TOMM40: variants seen among roughly 807,000 people sequenced by gnomAD.
The protein encoded by TOMM40 is translocase of outer mitochondrial membrane 40.
TOMM40 carries 9 observed loss-of-function variants against 38.4 expected under a neutral mutation model. The ratio of observed to expected loss-of-function variants is 0.23; its 90% confidence interval spans 0.14 to 0.41. The LOEUF (loss-of-function observed/expected upper bound fraction) is 0.41, where lower values mean the gene tolerates loss of function less well. TOMM40 is among the 10% of genes least tolerant of loss of function. TOMM40 has a pLI of 1.00. For synonymous variants in TOMM40, 184 were observed against 210.0 expected (o/e 0.88, Z 1.07); for missense variants, 299 against 486.5 (o/e 0.61, Z 3.63).
At chr19:44,896,112 C>T (rs995882376) in intron 5 of TOMM40, among the ~76,000 whole-genome samples, 11 of 152,234 alleles carry the variant, frequency 7.2e-5, no homozygotes, top group Admixed American at 5.9e-4. Context: ...CCCTGTGCCG[C>T]CTCGCTCGCC....
intron 5 of TOMM40, 128 bp downstream of exon 5, chr19:44,894,194 A>C: frequency 1.6e-6 from 1 of 623,590 alleles, no homozygotes; most frequent in Non-Finnish European, 2.7e-6. Flanking sequence ...ATTTTGAAAC[A>C]TCAGGCAACA....
At position 44,903,399 on chromosome 19, in the gene TOMM40, G is replaced by A; in HGVS notation, c.*230G>A. 1 of 469,862 alleles carries A rather than the reference G, an allele frequency of 2.1e-6. No individual in the cohort carries two copies. Among genetic ancestry groups the A allele is most frequent in the Non-Finnish European group, 3.7e-6 (1 of 267,522 alleles). 29.1% of individuals were successfully genotyped at this position (469,862 alleles called of 1,614,324 possible). A position where few individuals can be genotyped will look rare whatever the true frequency, so the allele number is the denominator to read the frequency against. On this transcript the variant is annotated 3_prime_UTR_variant, in exon 9 of 9. Transcript: ENST00000426677. Reference sequence around the variant, plus strand: ...GGGCAGCATGCCCAGTGGGCCTGGGGTCCCGGGAGGGATTCCGGAATTGAG... The same window carrying A: ...GGGCAGCATGCCCAGTGGGCCTGGGATCCCGGGAGGGATTCCGGAATTGAG...
intron 4 of TOMM40, 35 bp downstream of exon 4, chr19:44,893,916 C>T (rs752669160): frequency 3.7e-6 from 6 of 1,606,952 alleles, no homozygotes; most frequent in Non-Finnish European, 5.1e-6. Context: ...CTCCCCTCGG[C>T]CACCGTGAGC....
chr19:44,893,014 A>G (rs1325891013), intron 3 of TOMM40, 85 bp downstream of exon 3: 1 of 1,140,580 alleles, frequency 8.8e-7, no homozygotes, highest in African/African-American at 1.5e-5. Flanking sequence ...CCTCATCAGG[A>G]AAAGGTCACA....
chr19:44,895,655 A>G (rs1006435347), intron 5 of TOMM40, among the ~76,000 whole-genome samples: 2 of 151,996 alleles, frequency 1.3e-5, no homozygotes, highest in African/African-American at 4.8e-5. Context: ...CTCCTGCCTC[A>G]GGCTCCCTAG....
At chr19:44,895,295 G>A (rs1251676264) in intron 5 of TOMM40, among the ~76,000 whole-genome samples, 1 of 152,130 alleles carries the variant, frequency 6.6e-6, no homozygotes, top group African/African-American at 2.4e-5. Context: ...CCCCGGCTGG[G>A]GGACAGGAGC....
intron 5 of TOMM40, among the ~76,000 whole-genome samples, chr19:44,898,655 A>G (rs1969617533): frequency 6.7e-6 from 1 of 150,012 alleles, no homozygotes; most frequent in Admixed American, 6.7e-5. Flanking sequence ...CTCCTGCCTC[A>G]GCCTCCTGAG....
rs773215292 is a variant in TOMM40 at position 44,891,563 on chromosome 19, A to G, written c.148A>G (p.Thr50Ala). Residue 50 changes from threonine to alanine, a missense_variant, in exon 1 of 9, where the codon ACG (threonine) becomes GCG (alanine). Coordinates refer to ENST00000426677, the MANE Select transcript of TOMM40 (RefSeq NM_001128917.2). ...LGGSLGAGTSTSRSSERTPGA... is the reference protein window; with the variant it reads ...LGGSLGAGTSASRSSERTPGA... ...AGGCAGCCTGGGCGCCGGCACCAGT[A>G]CGAGTCGAAGTTCGGAACGGACCCC... 2.1e-6 allele frequency: 3 copies of G among 1,441,060 alleles called. No individual in the cohort carries two copies. Among genetic ancestry groups the G allele is most frequent in the South Asian group, 1.3e-5 (1 of 74,850 alleles). The allele number at this position is 1,441,060 out of a possible 1,614,324, so 89.3% of individuals were successfully genotyped here.
At chr19:44,891,736 G>A in intron 1 of TOMM40, 47 bp downstream of exon 1, 1 of 1,395,742 alleles carries the variant, frequency 7.2e-7, no homozygotes, top group Non-Finnish European at 9.3e-7. Flanking sequence ...CTGGATCTCG[G>A]GGGAAGGGGG....
intron 5 of TOMM40, among the ~76,000 whole-genome samples, chr19:44,896,614 G>A (rs899103408): frequency 6.6e-6 from 1 of 152,174 alleles, no homozygotes; most frequent in Non-Finnish European, 1.5e-5. Context: ...GCTGGGATTT[G>A]AATGGAAGCT....
At chr19:44,902,902 G>T in intron 8 of TOMM40, 128 bp from the exon 9 acceptor site, 4 of 1,196,024 alleles carry the variant, frequency 3.3e-6, no homozygotes, top group Admixed American at 2.8e-5. Context: ...GGGGTTTCAG[G>T]GTGGCAGGAG....
intron 2 of TOMM40, 24 bp from the exon 3 acceptor site, chr19:44,892,813 T>A (rs1234055344): frequency 3.1e-6 from 5 of 1,589,098 alleles, no homozygotes; most frequent in Non-Finnish European, 4.3e-6. Context: ...TCCAGTATCG[T>A]CACAGCTCTC....
intron 1 of TOMM40, 45 bp downstream of exon 1, chr19:44,891,734 C>T (rs1012505909): frequency 8.2e-5 from 115 of 1,396,758 alleles, no homozygotes; most frequent in Non-Finnish European, 1.0e-4. Context: ...GCCTGGATCT[C>T]GGGGGAAGGG....
At chr19:44,893,242 A>C (rs768739339) in intron 3 of TOMM40, among the ~76,000 whole-genome samples, 3 of 152,176 alleles carry the variant, frequency 2.0e-5, no homozygotes, top group Non-Finnish European at 4.4e-5. Context: ...TGAATGCCAG[A>C]CTAGGCTTTG....
At chr19:44,898,083 C>A (rs1969601444) in intron 5 of TOMM40, among the ~76,000 whole-genome samples, 1 of 152,076 alleles carries the variant, frequency 6.6e-6, no homozygotes, top group South Asian at 2.1e-4. Flanking sequence ...AGGGCACTGG[C>A]CATGAACTCA....
intron 5 of TOMM40, among the ~76,000 whole-genome samples, chr19:44,898,960 T>G (rs1445608533): frequency 1.3e-5 from 2 of 151,310 alleles, no homozygotes; most frequent in East Asian, 4.0e-4. Context: ...GTGAAACCCC[T>G]TCTCTACTAA....
chr19:44,897,472 C>T (rs901213732), intron 5 of TOMM40, among the ~76,000 whole-genome samples: 4 of 152,044 alleles, frequency 2.6e-5, no homozygotes, highest in Non-Finnish European at 5.9e-5. Context: ...ATACCTCTGC[C>T]CTGAGACGCA....
intron 5 of TOMM40, among the ~76,000 whole-genome samples, chr19:44,896,265 C>T (rs1245757775): frequency 6.6e-6 from 1 of 152,210 alleles, no homozygotes; most frequent in African/African-American, 2.4e-5. Flanking sequence ...CAGGGCTGAG[C>T]TCTCGAGTCT....
In TOMM40 at chr19:44,901,253, AC is replaced by A; in HGVS notation, c.891del (p.Ser298AlafsTer40). ...EFEASTRMQD[T>X]SVSFGYQLDL... ...TGAGGCCAGCACAAGGATGCAGGAC[AC>A]CAGCGTCTCCTTCGGGTACCAGCTG... On this transcript the variant is annotated frameshift_variant, in exon 8 of 9. Transcript: ENST00000426677. LOFTEE classifies it high-confidence loss of function. 1 of 1,614,056 alleles carries A rather than the reference AC, an allele frequency of 6.2e-7. No individual in the cohort carries two copies.
Sources: allele counts gnomAD v4.1 joint callset (sites outside exome capture counted in the v4.1 genomes callset), GRCh38; gene constraint gnomAD v4.1.1; transcripts MANE v1.5; gene names NCBI Gene and HGNC (gene_info 2026-07-23, HGNC 2026-07-21).